The following POF1B variants were observed in gnomAD, a reference collection of about 807,000 sequenced individuals.
POF1B encodes protein POF1B.
In POF1B, 53 loss-of-function variants were observed where a neutral mutation model predicts 55.3. The ratio of observed to expected loss-of-function variants is 0.96; its 90% confidence interval spans 0.77 to 1.20. The LOEUF (loss-of-function observed/expected upper bound fraction) is 1.20, where lower values mean the gene tolerates loss of function less well. POF1B is among the 50% of genes most tolerant of loss of function. POF1B has a pLI of 0.00. For synonymous variants in POF1B, 188 were observed against 148.3 expected (o/e 1.27, Z -1.95); for missense variants, 478 against 420.5 (o/e 1.14, Z -1.20).
chrX:85,300,366 G>C (rs767404116), intron 15 of POF1B, among the ~76,000 whole-genome samples: 1 of 112,113 alleles, frequency 8.9e-6, no homozygotes, highest in Non-Finnish European at 1.9e-5. Context: ...CACAGACAAA[G>C]AGCCTCTCAG....
chrX:85,306,265 T>C lies in POF1B; in HGVS notation c.1233A>G (p.Thr411=). The C allele has an allele frequency of 1.7e-6, 2 of 1,206,766 alleles. No homozygotes were observed. The highest frequency in any genetic ancestry group is 2.3e-4 in the Middle Eastern group (1 of 4,332). Residue 411 remains threonine, a synonymous_variant, in exon 12 of 17, where the codon ACA becomes ACG. Coordinates refer to ENST00000262753, the MANE Select transcript of POF1B (RefSeq NM_024921.4). Reference sequence around the variant, plus strand: ...TTAGTCTGTATTCCATGTCTGATAGTGTATGTCGAAGAGAGAGATTGTTTT... The same window carrying C: ...TTAGTCTGTATTCCATGTCTGATAGCGTATGTCGAAGAGAGAGATTGTTTT... ...LEENNLSLRH[T]LSDMEYRLKE...
chrX:85,307,088 A>C, intron 11 of POF1B, 75 bp downstream of exon 11: 1 of 788,793 alleles, frequency 1.3e-6, no homozygotes, highest in Non-Finnish European at 1.9e-6. Flanking sequence ...TATATCTCAT[A>C]ACTCCAATGT....
intron 2 of POF1B, among the ~76,000 whole-genome samples, chrX:85,378,944 A>G (rs111504295): frequency 2.2e-3 from 247 of 112,095 alleles, no homozygotes; most frequent in African/African-American, 7.7e-3. Flanking sequence ...GAGCCTTCCT[A>G]TACTATGGTT....
chrX:85,331,152 C>T (rs1005438557), intron 6 of POF1B, 73 bp from the exon 7 acceptor site: 72 of 1,030,468 alleles, frequency 7.0e-5, no homozygotes, highest in African/African-American at 5.0e-4. Context: ...TTATGTGAAG[C>T]GAAAGAAAGA....
At chrX:85,324,047 A>G (rs1042434536) in intron 7 of POF1B, among the ~76,000 whole-genome samples, 1 of 111,669 alleles carries the variant, frequency 9.0e-6, no homozygotes, top group East Asian at 2.8e-4. Context: ...CTTAGCATCA[A>G]TTTCTATTTT....
At position 85,354,883 on chromosome X, in the gene POF1B, C is replaced by A. The variant is rs922838943; in HGVS notation, c.439-3432G>T. Among the ~76,000 whole-genome samples the A allele has an allele frequency of 5.8e-4, 65 of 111,269 alleles. 1 individual carries two copies. Among genetic ancestry groups the A allele is most frequent in the Admixed American group, 4.5e-3 (47 of 10,464 alleles). On this transcript the variant is annotated intron_variant, in intron 4 of 16. Transcript: ENST00000262753. The stretch of plus-strand genomic sequence containing the variant: ...ATAACGTGAAAATGGCCATACTGCC[C>A]AAGGTAGTTTATAGATTCAATGCCA...
intron 5 of POF1B, 89 bp from the exon 6 acceptor site, chrX:85,346,131 T>A (rs1233487834): frequency 1.4e-6 from 1 of 715,719 alleles, no homozygotes; most frequent in African/African-American, 2.3e-5. Flanking sequence ...TTAAACTTAA[T>A]GTTTTCTTTC....
Position 85,331,008 on chromosome X carries a change from G to A in POF1B, c.795C>T (p.Ser265=). The A allele has an allele frequency of 8.3e-7, 1 of 1,203,988 alleles. No homozygotes were observed. The highest frequency in any genetic ancestry group is 1.1e-6 in the Non-Finnish European group (1 of 890,841). ...RYFGELLADL[S]RKNTDLYHCL... is the part of the protein sequence containing the mutation. ...AGTGATATAGATCCGTATTCTTACGGCTCAGATCAGCAAGCAACTCTCCAA... is the reference window on the plus strand; with the variant it reads ...AGTGATATAGATCCGTATTCTTACGACTCAGATCAGCAAGCAACTCTCCAA... Residue 265 remains serine (S), a synonymous_variant, in exon 7 of 17, where the codon AGC becomes AGT. Transcript: ENST00000262753.
rs1359411674 is a variant in POF1B at position 85,368,311 on chromosome X, TA to T, written c.283-546del. The stretch of plus-strand genomic sequence containing the variant: ...ATTTAATAATTATCAAACCAAGAGA[TA>T]GACATCCCATTCTTCATGATGTGCT... On this transcript the variant is annotated intron_variant, in intron 2 of 16. Transcript: ENST00000262753. Among the ~76,000 whole-genome samples the T allele has an allele frequency of 1.8e-4, 20 of 111,079 alleles. No homozygotes were observed. The Admixed American group carries it at 1.9e-3, about 11-fold the overall frequency.
At chrX:85,318,354 T>C (rs751349470) in intron 7 of POF1B, among the ~76,000 whole-genome samples, 1 of 112,294 alleles carries the variant, frequency 8.9e-6, no homozygotes, top group Non-Finnish European at 1.9e-5. Context: ...TATTTTGCTG[T>C]GCAGAAGTTC....
chrX:85,328,317 G>T (rs1932923741), intron 7 of POF1B, among the ~76,000 whole-genome samples: 1 of 108,437 alleles, frequency 9.2e-6, no homozygotes, highest in African/African-American at 3.4e-5. Flanking sequence ...TCATTCTCCT[G>T]CTTTAGCCTC....
At chrX:85,282,065 G>A (rs3810760) in intron 16 of POF1B, 138 bp downstream of exon 16, 123,936 of 765,237 alleles carry the variant, frequency 0.16, 8,675 homozygotes, top group African/African-American at 0.4. Context: ...AATTCCCACT[G>A]TATATCAATA....
At chrX:85,350,224 C>T (rs1454938774) in intron 5 of POF1B, among the ~76,000 whole-genome samples, 4 of 106,762 alleles carry the variant, frequency 3.7e-5, no homozygotes, top group African/African-American at 1.4e-4. Context: ...TGATGTTCCC[C>T]TTCTTGTGTC....
At position 85,345,974 on chromosome X, in the gene POF1B, G is replaced by T. The variant is rs1933261173; in HGVS notation, c.609C>A (p.His203Gln). The T allele has an allele frequency of 8.3e-7, 1 of 1,206,419 alleles. No individual in the cohort carries two copies. The highest frequency in any genetic ancestry group is 3.0e-5 in the East Asian group (1 of 33,678). Residue 203 changes from histidine to glutamine, a missense_variant, in exon 6 of 17, where the codon CAC becomes CAA. His to Gln is a conservative substitution (Grantham distance 24, BLOSUM62 0). Coordinates refer to ENST00000262753, the MANE Select transcript of POF1B (RefSeq NM_024921.4). Reference protein sequence around the residue: ...IQQPQVIHSAHWQQPDSSQQI... With the variant: ...IQQPQVIHSAQWQQPDSSQQI... ...GCTGGCTAGAATCAGGTTGTTGCCA[G>T]TGTGCAGAGTGGATGACCTGGGGCT...
Position 85,282,774 on chromosome X carries a change from CATAG to C in POF1B, c.1650-461_1650-458del, listed in dbSNP as rs750426447. The stretch of plus-strand genomic sequence containing the variant: ...CAGAGTATCAGACAGAAGAGAGCTA[CATAG>C]ATAGAGAGAGGTCAGGACAGCTGTA... On this transcript the variant is annotated intron_variant, in intron 15 of 16. Transcript: ENST00000262753. 4.2e-3 allele frequency among the ~76,000 whole-genome samples: 445 copies of C among 106,183 alleles called. 4 individuals carry two copies. The highest frequency in any genetic ancestry group is 6.5e-3 in the Non-Finnish European group (345 of 52,835). The allele number at this position is 106,183 out of a possible 115,157, so 92.2% of individuals were successfully genotyped here. A position where few individuals can be genotyped will look rare whatever the true frequency, so the allele number is the denominator to read the frequency against.
chrX:85,285,307 A>G (rs929430339), intron 15 of POF1B, among the ~76,000 whole-genome samples: 77 of 111,172 alleles, frequency 6.9e-4, no homozygotes, highest in Non-Finnish European at 1.2e-3. Flanking sequence ...CTGGGTATAT[A>G]CCCAACGGAT....
intron 7 of POF1B, among the ~76,000 whole-genome samples, chrX:85,323,710 T>C (rs1932866302): frequency 9.0e-6 from 1 of 111,539 alleles, no homozygotes; most frequent in Non-Finnish European, 1.9e-5. Flanking sequence ...TATGTCTCAA[T>C]TTCCTTCAGT....
chrX:85,306,014 CAT>C lies in POF1B; in HGVS notation c.1318-106_1318-105del, dbSNP rs1422123266. 9 of 1,010,054 alleles carry C rather than the reference CAT, an allele frequency of 8.9e-6. No individual in the cohort carries two copies. In the African/African-American group the frequency reaches 1.7e-4, roughly 19 times the overall value. The allele number at this position is 1,010,054 out of a possible 1,213,427, so 83.2% of individuals were successfully genotyped here. ...ATGAAAACCACATGATTAAATAAGA[CAT>C]TGAAATAATGAAAGTGATTTTCAGG... On this transcript the variant is annotated intron_variant, in intron 12 of 16. Transcript: ENST00000262753.
At chrX:85,300,473 C>T (rs1489305786) in intron 15 of POF1B, among the ~76,000 whole-genome samples, 4 of 111,715 alleles carry the variant, frequency 3.6e-5, no homozygotes, top group Non-Finnish European at 5.6e-5. Context: ...CTTCAGTGAC[C>T]ACATATGAAA....
Sources: allele counts gnomAD v4.1 joint callset (sites outside exome capture counted in the v4.1 genomes callset), GRCh38; gene constraint gnomAD v4.1.1; transcripts MANE v1.5; gene names NCBI Gene and HGNC (gene_info 2026-07-23, HGNC 2026-07-21).